RARS2: variants seen among roughly 807,000 people sequenced by gnomAD.
The protein encoded by RARS2 is probable arginine--tRNA ligase, mitochondrial.
In RARS2, 67 loss-of-function variants were observed where a neutral mutation model predicts 88.5. The observed-to-expected ratio is 0.76, with a 90% confidence interval of 0.62 to 0.93. The LOEUF (loss-of-function observed/expected upper bound fraction) is 0.93, where lower values mean the gene tolerates loss of function less well. Ranked by LOEUF, RARS2 falls within the 40% of genes least tolerant of loss-of-function variation. The probability of loss-of-function intolerance (pLI) is 0.00; values close to 1 mark genes in which losing one functional copy is unlikely to be tolerated. For synonymous variants in RARS2, 239 were observed against 230.3 expected (o/e 1.04, Z -0.34); for missense variants, 664 against 684.2 (o/e 0.97, Z 0.33).
At chr6:87,546,273 G>A (rs1217596640) in intron 6 of RARS2, among the ~76,000 whole-genome samples, 6 of 152,170 alleles carry the variant, frequency 3.9e-5, no homozygotes, top group African/African-American at 1.4e-4. Context: ...TGCCGAGGCT[G>A]AAAATGTAAA....
At chr6:87,548,453 GA>G (rs1450646158) in intron 6 of RARS2, 137 bp downstream of exon 6, 2 of 784,786 alleles carry the variant, frequency 2.5e-6, no homozygotes, top group Admixed American at 4.9e-5. Context: ...TCCATTTCCT[GA>G]ATTGGCAGGA....
rs145029710 is a variant in RARS2, at chr6:87,574,149, G to A, written c.37-4559C>T. Among the ~76,000 whole-genome samples the A allele has an allele frequency of 2.6e-4, 40 of 152,258 alleles. No homozygotes were observed. The East Asian group carries it at 4.2e-3, about 16-fold the overall frequency. ...TTTCCAGCAAAAGTAAAAATTCTAGGGTAACACACCAATGGCCTTTCCAAT... is the reference window on the plus strand; with the variant it reads ...TTTCCAGCAAAAGTAAAAATTCTAGAGTAACACACCAATGGCCTTTCCAAT... On this transcript the variant is annotated intron_variant, in intron 1 of 19. Transcript: ENST00000369536.
At chr6:87,542,535 G>GC (rs967618908) in intron 7 of RARS2, among the ~76,000 whole-genome samples, 1 of 151,822 alleles carries the variant, frequency 6.6e-6, no homozygotes, top group Non-Finnish European at 1.5e-5. Flanking sequence ...GAACATCCTT[G>GC]ATTATTTCTC....
rs4615353 is a variant in RARS2, at chr6:87,514,298, C to T, written c.*115G>A. On this transcript the variant is annotated 3_prime_UTR_variant, in exon 20 of 20. Coordinates refer to ENST00000369536, the MANE Select transcript of RARS2 (RefSeq NM_020320.5). ...TGCACTCCAGCCTGGGCAACAAGAG[C>T]GAAACTCCATCTCAAAAAAAAAAAA... is the stretch of plus-strand genomic sequence containing the variant. 62,635 of 639,874 alleles carry T rather than the reference C, an allele frequency of 0.098. 3,490 individuals are homozygous for T. Among genetic ancestry groups the T allele is most frequent in the African/African-American group, 0.16 (8,043 of 49,624 alleles). The allele number at this position is 639,874 out of a possible 1,614,324, so 39.6% of individuals were successfully genotyped here. A position where few individuals can be genotyped will look rare whatever the true frequency, so the allele number is the denominator to read the frequency against.
At chr6:87,558,873 G>A (rs1786899282) in intron 4 of RARS2, among the ~76,000 whole-genome samples, 1 of 152,176 alleles carries the variant, frequency 6.6e-6, no homozygotes, top group Admixed American at 6.5e-5. Flanking sequence ...CTGTAAAAGT[G>A]CCTCAGGCAG....
chr6:87,576,710 T>C (rs138267063), intron 1 of RARS2, among the ~76,000 whole-genome samples: 194 of 152,338 alleles, frequency 1.3e-3, no homozygotes, highest in African/African-American at 3.9e-3. Context: ...GTATTAACTA[T>C]ATTCTTTTCT....
At chr6:87,530,328 C>A (rs537132938) in intron 9 of RARS2, among the ~76,000 whole-genome samples, 5 of 152,332 alleles carry the variant, frequency 3.3e-5, no homozygotes, top group African/African-American at 9.6e-5. Flanking sequence ...TCTAGAACCA[C>A]TTAATAAAAA....
intron 1 of RARS2, among the ~76,000 whole-genome samples, chr6:87,571,588 G>A (rs1769750258): frequency 6.6e-6 from 1 of 152,028 alleles, no homozygotes. Context: ...GTAGAATTGG[G>A]AAAAAGAGAA....
intron 1 of RARS2, among the ~76,000 whole-genome samples, chr6:87,583,687 G>T (rs889649368): frequency 1.3e-5 from 2 of 151,854 alleles, no homozygotes; most frequent in African/African-American, 4.8e-5. Flanking sequence ...TCATTATTTC[G>T]GAGCCAGACA....
At chr6:87,584,838 C>T (rs992025350) in intron 1 of RARS2, 22 of 352,968 alleles carry the variant, frequency 6.2e-5, no homozygotes, top group Non-Finnish European at 1.1e-4. Context: ...ATGGTATATA[C>T]CATAGAGAAG....
intron 8 of RARS2, among the ~76,000 whole-genome samples, chr6:87,535,095 G>C (rs1290940285): frequency 6.6e-6 from 1 of 151,814 alleles, no homozygotes; most frequent in Non-Finnish European, 1.5e-5. Flanking sequence ...GCTGGAATCA[G>C]ATTTTCTTAT....
chr6:87,540,457 A>C (rs1780562675), intron 8 of RARS2, among the ~76,000 whole-genome samples: 2 of 151,816 alleles, frequency 1.3e-5, no homozygotes, highest in Admixed American at 6.6e-5. Context: ...AAAAAAAAAA[A>C]AAAAAAAAAA....
chr6:87,585,528 A>G (rs1326273747), intron 1 of RARS2, among the ~76,000 whole-genome samples: 1 of 152,122 alleles, frequency 6.6e-6, no homozygotes, highest in East Asian at 1.9e-4. Context: ...CAGGAGATCG[A>G]GACCATCCTG....
intron 10 of RARS2, among the ~76,000 whole-genome samples, chr6:87,526,394 G>A (rs1352582847): frequency 6.6e-6 from 1 of 152,000 alleles, no homozygotes; most frequent in Non-Finnish European, 1.5e-5. Context: ...GCACATGCCT[G>A]TAATCCCAGC....
chr6:87,584,346 G>A (rs1199151829), intron 1 of RARS2, among the ~76,000 whole-genome samples: 1 of 152,180 alleles, frequency 6.6e-6, no homozygotes, highest in Admixed American at 6.5e-5. Context: ...AGAAACTTAA[G>A]AGGGTAAAAT....
chr6:87,543,638 C>T (rs917318459), intron 7 of RARS2, among the ~76,000 whole-genome samples: 15 of 151,080 alleles, frequency 9.9e-5, no homozygotes, highest in Admixed American at 1.3e-4. Flanking sequence ...GAGACTCCAT[C>T]TCAGAAAGAA....
At chr6:87,547,405 G>C (rs1782911048) in intron 6 of RARS2, among the ~76,000 whole-genome samples, 1 of 152,110 alleles carries the variant, frequency 6.6e-6, no homozygotes, top group Non-Finnish European at 1.5e-5. Flanking sequence ...TTGAAGTACA[G>C]GTTAAACAAC....
At chr6:87,579,156 G>C (rs1005602788) in intron 1 of RARS2, among the ~76,000 whole-genome samples, 2 of 151,964 alleles carry the variant, frequency 1.3e-5, no homozygotes, top group Admixed American at 6.6e-5. Flanking sequence ...GGAGAAGCTG[G>C]ATTTAAACCT....
intron 4 of RARS2, 61 bp downstream of exon 4, chr6:87,562,641 A>G: frequency 7.9e-7 from 1 of 1,266,756 alleles, no homozygotes; most frequent in South Asian, 1.2e-5. Context: ...CTGGAGGAAG[A>G]CCACTGTGGC....
Sources: allele counts gnomAD v4.1 joint callset (sites outside exome capture counted in the v4.1 genomes callset), GRCh38; gene constraint gnomAD v4.1.1; transcripts MANE v1.5; gene names NCBI Gene and HGNC (gene_info 2026-07-23, HGNC 2026-07-21).